Variants in KCNQ5 observed in about 807,000 individuals in gnomAD.
The protein encoded by KCNQ5 is potassium voltage-gated channel subfamily Q member 5.
Under a neutral mutation model 98.2 loss-of-function variants are expected in KCNQ5, and 30 were observed. That is an observed-to-expected ratio of 0.31 (90% CI 0.23 to 0.41). The LOEUF (loss-of-function observed/expected upper bound fraction) is 0.41, where lower values mean the gene tolerates loss of function less well. Ranked by LOEUF, KCNQ5 falls within the 10% of genes least tolerant of loss-of-function variation. KCNQ5 has a pLI of 1.00. For missense variants in KCNQ5, 835 were observed against 1,182.5 expected (o/e 0.71, Z 4.31); for synonymous variants, 458 against 449.4 (o/e 1.02, Z -0.24).
At chr6:72,817,419 A>C (rs567642484) in intron 1 of KCNQ5, among the ~76,000 whole-genome samples, 1 of 152,324 alleles carries the variant, frequency 6.6e-6, no homozygotes, top group African/African-American at 2.4e-5. Context: ...TAAAACAAAC[A>C]TGATGCTACA....
At chr6:72,895,303 G>GA (rs978923377) in intron 1 of KCNQ5, among the ~76,000 whole-genome samples, 1 of 145,892 alleles carries the variant, frequency 6.9e-6, no homozygotes, top group Non-Finnish European at 1.5e-5. Context: ...AAAAAAAAAA[G>GA]AAAAAAAACT....
intron 1 of KCNQ5, among the ~76,000 whole-genome samples, chr6:72,949,061 A>G (rs1429382915): frequency 6.6e-6 from 1 of 152,202 alleles, no homozygotes; most frequent in Non-Finnish European, 1.5e-5. Context: ...TTCAGGAAAC[A>G]GCAGAAAAGA....
chr6:73,105,884 T>A (rs1382232927), intron 6 of KCNQ5, among the ~76,000 whole-genome samples: 1 of 152,144 alleles, frequency 6.6e-6, no homozygotes, highest in African/African-American at 2.4e-5. Context: ...CTTATCAGAA[T>A]AAAGGGCACA....
intron 1 of KCNQ5, among the ~76,000 whole-genome samples, chr6:72,762,910 G>A (rs920528719): frequency 4.6e-5 from 7 of 151,812 alleles, no homozygotes; most frequent in African/African-American, 1.7e-4. Flanking sequence ...ATCTTCCCAA[G>A]ATATAATAGT....
intron 1 of KCNQ5, among the ~76,000 whole-genome samples, chr6:72,648,322 T>C (rs973386308): frequency 2.0e-5 from 3 of 152,064 alleles, no homozygotes; most frequent in East Asian, 1.9e-4. Context: ...TGCAACATCA[T>C]TGGTAATAGA....
intron 1 of KCNQ5, among the ~76,000 whole-genome samples, chr6:72,811,588 T>A (rs1017486776): frequency 6.6e-6 from 1 of 152,216 alleles, no homozygotes; most frequent in African/African-American, 2.4e-5. Context: ...GAATCTTCTA[T>A]ACTCCTATAG....
intron 1 of KCNQ5, among the ~76,000 whole-genome samples, chr6:72,823,998 T>C (rs373395536): frequency 2.0e-4 from 31 of 152,328 alleles, no homozygotes; most frequent in African/African-American, 6.7e-4. Flanking sequence ...TTCATTTTAA[T>C]GTTTCCAAAC....
chr6:73,039,291 C>T (rs181788143), intron 2 of KCNQ5, among the ~76,000 whole-genome samples: 17 of 151,998 alleles, frequency 1.1e-4, no homozygotes, highest in Admixed American at 2.6e-4. Flanking sequence ...ATGGATTTTC[C>T]ATATTGTTTT....
At chr6:72,784,112 C>T (rs535773077) in intron 1 of KCNQ5, among the ~76,000 whole-genome samples, 1 of 152,194 alleles carries the variant, frequency 6.6e-6, no homozygotes, top group Non-Finnish European at 1.5e-5. Flanking sequence ...CTCCTCGAAT[C>T]GTCAACCCTT....
At chr6:73,023,818 A>C (rs1770725406) in intron 2 of KCNQ5, among the ~76,000 whole-genome samples, 1 of 152,118 alleles carries the variant, frequency 6.6e-6, no homozygotes, top group Non-Finnish European at 1.5e-5. Flanking sequence ...TGCATTGAGG[A>C]CTTATTGATA....
intron 1 of KCNQ5, among the ~76,000 whole-genome samples, chr6:72,858,536 C>A (rs1376371600): frequency 6.6e-6 from 1 of 151,398 alleles, no homozygotes; most frequent in Non-Finnish European, 1.5e-5. Context: ...AAAATAGTAA[C>A]CTTCGAAATG....
intron 1 of KCNQ5, among the ~76,000 whole-genome samples, chr6:72,811,069 C>T (rs1411837929): frequency 6.6e-6 from 1 of 152,188 alleles, no homozygotes; most frequent in Non-Finnish European, 1.5e-5. Context: ...CATCATTGCA[C>T]ATGGCATTGC....
At chr6:72,766,170 C>T (rs572175591) in intron 1 of KCNQ5, among the ~76,000 whole-genome samples, 1 of 152,010 alleles carries the variant, frequency 6.6e-6, no homozygotes, top group African/African-American at 2.4e-5. Flanking sequence ...TTGTCTGGGA[C>T]AAAAGGGACT....
At chr6:72,921,409 G>A (rs919594161) in intron 1 of KCNQ5, among the ~76,000 whole-genome samples, 3 of 152,216 alleles carry the variant, frequency 2.0e-5, no homozygotes, top group African/African-American at 7.2e-5. Flanking sequence ...GTGAGTAGAA[G>A]ATGAGCAAGA....
At chr6:72,873,507 A>G (rs1466256008) in intron 1 of KCNQ5, among the ~76,000 whole-genome samples, 8 of 152,056 alleles carry the variant, frequency 5.3e-5, no homozygotes, top group Non-Finnish European at 1.0e-4. Context: ...CAATCCTCCA[A>G]CCTTTTATGG....
chr6:73,141,866 T>C (rs1776727463), intron 10 of KCNQ5, among the ~76,000 whole-genome samples: 1 of 152,236 alleles, frequency 6.6e-6, no homozygotes, highest in Non-Finnish European at 1.5e-5. Flanking sequence ...ACCCTCAATT[T>C]AGTGGTTTGA....
chr6:72,948,125 T>C (rs1223960323), intron 1 of KCNQ5, among the ~76,000 whole-genome samples: 1 of 152,100 alleles, frequency 6.6e-6, no homozygotes, highest in Non-Finnish European at 1.5e-5. Context: ...TCAAATTTCA[T>C]TGTGTCAAAA....
chr6:73,077,589 A>G, intron 4 of KCNQ5, 92 bp downstream of exon 4: 1 of 1,405,376 alleles, frequency 7.1e-7, no homozygotes, highest in Non-Finnish European at 9.6e-7. Context: ...AAGAAAACTT[A>G]GTCATTGCAG....
chr6:73,125,352 C>A (rs190407432), intron 9 of KCNQ5: 99 of 508,186 alleles, frequency 1.9e-4, no homozygotes, highest in African/African-American at 1.4e-3. Context: ...GAGAGCAAAG[C>A]CCTGAAAAAC....
Sources: gnomAD v4.1 joint callset for allele counts (sites outside exome capture counted in the v4.1 genomes callset) on GRCh38, gnomAD v4.1.1 for gene constraint, MANE v1.5 for transcripts, NCBI Gene and HGNC (gene_info 2026-07-23, HGNC 2026-07-21) for gene names.